Variants in CCDC178 observed in about 807,000 individuals in gnomAD.
The protein encoded by CCDC178 is coiled-coil domain containing 178.
A neutral mutation model predicts 117.4 loss-of-function variants in CCDC178; 126 were observed. The ratio of observed to expected loss-of-function variants is 1.07; its 90% CI spans 0.93 to 1.24. The LOEUF (loss-of-function observed/expected upper bound fraction) is 1.24, where lower values mean the gene tolerates loss of function less well. Ranked by LOEUF, CCDC178 falls within the 50% of genes most tolerant of loss-of-function variation. The pLI, the probability that CCDC178 is intolerant of heterozygous loss-of-function variation, is 0.00. For synonymous variants in CCDC178, 283 were observed against 313.4 expected (o/e 0.90, Z 1.02); for missense variants, 1,030 against 986.9 (o/e 1.04, Z -0.59).
intron 21 of CCDC178, among the ~76,000 whole-genome samples, chr18:33,066,635 A>G (rs1449247845): frequency 1.3e-5 from 2 of 152,242 alleles, no homozygotes; most frequent in Non-Finnish European, 2.9e-5. Context: ...ACACATGTAA[A>G]TGGAAAGTGA....
chr18:33,034,929 ATTTTG>A (rs972804619), intron 21 of CCDC178, among the ~76,000 whole-genome samples: 1 of 152,030 alleles, frequency 6.6e-6, no homozygotes, highest in Non-Finnish European at 1.5e-5. Context: ...TATAAAGTAC[ATTTTG>A]TTTTATGTAC....
chr18:33,080,959 A>G (rs1292385659), intron 21 of CCDC178, among the ~76,000 whole-genome samples: 3 of 152,166 alleles, frequency 2.0e-5, no homozygotes, highest in African/African-American at 7.2e-5. Flanking sequence ...ATAGAAAGTA[A>G]AAAACTAAAG....
intron 20 of CCDC178, among the ~76,000 whole-genome samples, chr18:33,124,513 C>T (rs1281988245): frequency 1.3e-5 from 2 of 152,160 alleles, no homozygotes; most frequent in Admixed American, 6.5e-5. Flanking sequence ...TTTCTAGTTA[C>T]TAATACTAGT....
intron 21 of CCDC178, among the ~76,000 whole-genome samples, chr18:32,980,354 C>T (rs566076371): frequency 3.1e-4 from 47 of 151,872 alleles, no homozygotes; most frequent in African/African-American, 1.1e-3. Context: ...GAGGCCGAGG[C>T]GGGCGGATCA....
intron 21 of CCDC178, among the ~76,000 whole-genome samples, chr18:33,033,389 T>C (rs932220821): frequency 6.6e-6 from 1 of 152,110 alleles, no homozygotes; most frequent in Admixed American, 6.6e-5. Context: ...TCAATCTTTC[T>C]GCATCTTCTC....
At chr18:33,413,803 A>T (rs1382005454) in intron 2 of CCDC178, among the ~76,000 whole-genome samples, 1 of 152,144 alleles carries the variant, frequency 6.6e-6, no homozygotes, top group Admixed American at 6.5e-5. Flanking sequence ...ACTCTGCCAA[A>T]TGTAGGTGCC....
At chr18:33,191,174 G>T (rs916048948) in intron 20 of CCDC178, among the ~76,000 whole-genome samples, 5 of 151,812 alleles carry the variant, frequency 3.3e-5, no homozygotes, top group African/African-American at 1.2e-4. Context: ...CTCAAGTTTG[G>T]GTTGGATGCC....
Position 33,123,094 on chromosome 18 carries a change from T to C in CCDC178, c.2239-30184A>G, listed in dbSNP as rs28479236. Among the ~76,000 whole-genome samples, 412 of 152,294 alleles carry C rather than the reference T, an allele frequency of 2.7e-3. 3 individuals carry two copies. Among genetic ancestry groups the C allele is most frequent in the African/African-American group, 9.1e-3 (378 of 41,582 alleles). ...AGTTTAAGCACTATCTTGAATATAG[T>C]ACCTAAGTTTCATCTTTATCATCAC... On this transcript the variant is annotated intron_variant, in intron 20 of 22. Coordinates refer to ENST00000383096, the MANE Select transcript of CCDC178 (RefSeq NM_001105528.4).
intron 20 of CCDC178, among the ~76,000 whole-genome samples, chr18:33,133,252 G>T (rs561588261): frequency 1.3e-5 from 2 of 151,848 alleles, no homozygotes; most frequent in South Asian, 4.2e-4. Context: ...TTGGCAAAAT[G>T]ACTTTGTATG....
chr18:33,367,138 T>G (rs984608479), intron 6 of CCDC178, among the ~76,000 whole-genome samples: 2 of 152,042 alleles, frequency 1.3e-5, no homozygotes, highest in Non-Finnish European at 2.9e-5. Flanking sequence ...ATAGTAGGTG[T>G]ATATATTTAT....
At chr18:33,260,331 G>A (rs1340784675) in intron 14 of CCDC178, among the ~76,000 whole-genome samples, 3 of 151,878 alleles carry the variant, frequency 2.0e-5, no homozygotes, top group Admixed American at 6.6e-5. Context: ...CATTCTACTC[G>A]TTCATGATTA....
chr18:33,308,265 C>A (rs750607640), intron 11 of CCDC178, among the ~76,000 whole-genome samples: 4 of 152,224 alleles, frequency 2.6e-5, no homozygotes, highest in Non-Finnish European at 5.9e-5. Context: ...GCACATGAGA[C>A]ATGGAGCCAA....
At chr18:33,078,830 A>G (rs995603165) in intron 21 of CCDC178, among the ~76,000 whole-genome samples, 1 of 152,212 alleles carries the variant, frequency 6.6e-6, no homozygotes, top group African/African-American at 2.4e-5. Context: ...GAAAGAATCA[A>G]TATCATTAAA....
intron 11 of CCDC178, among the ~76,000 whole-genome samples, chr18:33,312,331 G>A (rs2062354384): frequency 6.6e-6 from 1 of 152,096 alleles, no homozygotes; most frequent in Non-Finnish European, 1.5e-5. Context: ...CATGAACTGT[G>A]TTAACTCAGG....
rs370055815 is a variant in CCDC178 at position 32,938,025 on chromosome 18, C to T, written c.2590G>A (p.Glu864Lys). The T allele has an allele frequency of 1.6e-5, 26 of 1,612,710 alleles. No individual in the cohort carries two copies. The highest frequency in any genetic ancestry group is 1.6e-4 in the Middle Eastern group (1 of 6,082). ...TGGTTGTTTGCTTAACCATCGTTTT[C>T]GCATGTGCCATCTGTCAAAGTCTGG... ...FFQTLTDGTC[E>K]NDG The change falls in exon 23 of 23, where the codon GAA (glutamate) becomes AAA (lysine). Residue 864 changes from glutamate (E) to lysine (K), a missense_variant. Glu to Lys is a moderately conservative substitution (Grantham distance 56, BLOSUM62 1). Coordinates refer to ENST00000383096, the MANE Select transcript of CCDC178 (RefSeq NM_001105528.4).
intron 2 of CCDC178, among the ~76,000 whole-genome samples, chr18:33,414,759 A>T (rs1044969906): frequency 9.2e-5 from 14 of 152,236 alleles, no homozygotes; most frequent in African/African-American, 3.1e-4. Flanking sequence ...CAGAGTGAAC[A>T]GGCAACCTAC....
intron 21 of CCDC178, among the ~76,000 whole-genome samples, chr18:33,022,019 C>T (rs1390881555): frequency 6.6e-6 from 1 of 152,046 alleles, no homozygotes; most frequent in African/African-American, 2.4e-5. Flanking sequence ...ATAGAAAATT[C>T]AGGAAATTTG....
intron 21 of CCDC178, among the ~76,000 whole-genome samples, chr18:32,985,721 A>C (rs2055248083): frequency 6.6e-6 from 1 of 152,092 alleles, no homozygotes; most frequent in Non-Finnish European, 1.5e-5. Flanking sequence ...GCAATGATTA[A>C]TATAAATGGA....
chr18:33,064,041 T>C (rs2056972798), intron 21 of CCDC178, among the ~76,000 whole-genome samples: 1 of 152,346 alleles, frequency 6.6e-6, no homozygotes, highest in South Asian at 2.1e-4. Context: ...AGTCTTTCCC[T>C]ATGAATACCA....
Sources: allele counts gnomAD v4.1 joint callset (sites outside exome capture counted in the v4.1 genomes callset), GRCh38; gene constraint gnomAD v4.1.1; transcripts MANE v1.5; gene names NCBI Gene and HGNC (gene_info 2026-07-23, HGNC 2026-07-21).